Variants in RPS6KA2 observed in about 807,000 individuals in gnomAD.
The protein encoded by RPS6KA2 is ribosomal protein S6 kinase A2, also known as ribosomal protein S6 kinase alpha-2.
Under a neutral mutation model 91.8 loss-of-function variants are expected in RPS6KA2, and 42 were observed. The ratio of observed to expected loss-of-function variants is 0.46; its 90% confidence interval spans 0.36 to 0.59. RPS6KA2 has a LOEUF of 0.59. Ranked by LOEUF, RPS6KA2 falls within the 20% of genes least tolerant of loss-of-function variation. The probability of loss-of-function intolerance (pLI) is 0.00; values close to 1 mark genes in which losing one functional copy is unlikely to be tolerated. For missense variants in RPS6KA2, 798 were observed against 978.5 expected (o/e 0.82, Z 2.46); for synonymous variants, 414 against 393.6 (o/e 1.05, Z -0.61).
chr6:166,852,491 G>A lies in RPS6KA2; in HGVS notation c.123+5709C>T, dbSNP rs537958238. Among the ~76,000 whole-genome samples, 55 of 152,298 alleles carry A rather than the reference G, an allele frequency of 3.6e-4. No individual in the cohort carries two copies. Among genetic ancestry groups the A allele is most frequent in the African/African-American group, 1.1e-3 (47 of 41,554 alleles). Reference sequence around the variant, plus strand: ...GGATTGCAGAGACATGAGAGGCAACGTGGCCGCACAGGCGGTTTAGCCTGT... The same window carrying A: ...GGATTGCAGAGACATGAGAGGCAACATGGCCGCACAGGCGGTTTAGCCTGT... On this transcript the variant is annotated intron_variant, in intron 2 of 21. Coordinates refer to the RPS6KA2 transcript ENST00000503859. The surrounding 1 kb of genome is among the most constrained non-coding windows in gnomAD (Gnocchi z 4.1).
intron 2 of RPS6KA2, among the ~76,000 whole-genome samples, chr6:166,744,456 G>A (rs930807870): frequency 3.9e-5 from 6 of 152,214 alleles, no homozygotes; most frequent in African/African-American, 1.2e-4. Context: ...TGGGTCCCGG[G>A]GGCCTGCACT....
intron 15 of RPS6KA2, among the ~76,000 whole-genome samples, chr6:166,431,932 C>T (rs532785263): frequency 1.3e-5 from 2 of 152,208 alleles, no homozygotes; most frequent in Admixed American, 6.5e-5. Flanking sequence ...CCGGCCTGTT[C>T]GGGCTATTCT....
intron 2 of RPS6KA2, among the ~76,000 whole-genome samples, chr6:166,644,016 C>T (rs1787528913): frequency 6.6e-6 from 1 of 152,236 alleles, no homozygotes; most frequent in African/African-American, 2.4e-5. Context: ...AAAGCAGTCA[C>T]TGAACTGGCA....
rs1024109095 is a variant in RPS6KA2, at chr6:166,783,846, A to G, written c.123+74354T>C. On this transcript the variant is annotated intron_variant, in intron 2 of 21. Coordinates refer to the RPS6KA2 transcript ENST00000503859. ...CATATGCACACGTGCACACCTATCT[A>G]TACCACATATGCACACGTGCACACC... Among the ~76,000 whole-genome samples the G allele has an allele frequency of 1.7e-4, 10 of 58,360 alleles. 1 individual carries two copies. In the South Asian group the frequency reaches 3.1e-3, roughly 18 times the overall value. 38.3% of individuals were successfully genotyped at this position (58,360 alleles called of 152,430 possible). A position where few individuals can be genotyped will look rare whatever the true frequency, so the allele number is the denominator to read the frequency against.
chr6:166,828,288 T>C (rs138039780), intron 2 of RPS6KA2, among the ~76,000 whole-genome samples: 24 of 152,246 alleles, frequency 1.6e-4, no homozygotes, highest in Middle Eastern at 3.4e-3. Flanking sequence ...CTGCAGAGCC[T>C]CTTCTGAAAG....
intron 1 of RPS6KA2, among the ~76,000 whole-genome samples, chr6:166,623,718 G>T (rs1252442021): frequency 6.6e-6 from 1 of 152,190 alleles, no homozygotes; most frequent in Non-Finnish European, 1.5e-5. Flanking sequence ...GGGGATGAGG[G>T]TCTTGCGGTC....
chr6:166,598,336 C>T (rs1277485838), intron 1 of RPS6KA2, among the ~76,000 whole-genome samples: 1 of 152,176 alleles, frequency 6.6e-6, no homozygotes, highest in Non-Finnish European at 1.5e-5. Context: ...TGGGGGCAGA[C>T]AGACCACGCT....
At chr6:166,617,558 G>A (rs1276030335) in intron 1 of RPS6KA2, among the ~76,000 whole-genome samples, 1 of 152,170 alleles carries the variant, frequency 6.6e-6, no homozygotes, top group East Asian at 1.9e-4. Flanking sequence ...TGGCTTCTGA[G>A]TAATTTGACT....
chr6:166,426,126 C>T lies in RPS6KA2; in HGVS notation c.1582-2709G>A, dbSNP rs867672229. On this transcript the variant is annotated intron_variant, in intron 16 of 20. Transcript: ENST00000265678. The stretch of plus-strand genomic sequence containing the variant: ...TCTCTCAGACCACAGTGCAATCAAA[C>T]TAGAACTCAGGATTAAGAAACTCAC... Among the ~76,000 whole-genome samples, 895 of 152,178 alleles carry T rather than the reference C, an allele frequency of 5.9e-3. 5 individuals are homozygous for T. Among genetic ancestry groups the T allele is most frequent in the African/African-American group, 0.02 (845 of 41,484 alleles).
intron 2 of RPS6KA2, among the ~76,000 whole-genome samples, chr6:166,690,676 T>C (rs1280049600): frequency 1.3e-5 from 2 of 152,168 alleles, no homozygotes; most frequent in African/African-American, 4.8e-5. Context: ...GGGGCTCAGC[T>C]CTGCAGGTCC....
rs1434821138 is a variant in RPS6KA2 at position 166,635,452 on chromosome 6, C to G, written c.124-96668G>C. ...GAGGAGCCCTTAGTCTCGCAGATGA[C>G]TGCTACATTCACAGGCTATGATGAG... On this transcript the variant is annotated intron_variant, in intron 2 of 21. Transcript: ENST00000503859. This position sits in a 1 kb window ranked among gnomAD's most constrained non-coding sequence, Gnocchi z 4.8. Among the ~76,000 whole-genome samples, 2 of 152,262 alleles carry G rather than the reference C, an allele frequency of 1.3e-5. No individual in the cohort carries two copies. Among genetic ancestry groups the G allele is most frequent in the African/African-American group, 4.8e-5 (2 of 41,468 alleles).
Position 166,422,773 on chromosome 6 carries a change from T to G in RPS6KA2, c.1743+483A>C, listed in dbSNP as rs540390365. On this transcript the variant is annotated intron_variant, in intron 17 of 20. Transcript: ENST00000265678. Reference sequence around the variant, plus strand: ...GGCAAATCACCCCGGAGCCCTGCGGTTCTCAATCTGACAGCTGCTGACTTG... The same window carrying G: ...GGCAAATCACCCCGGAGCCCTGCGGGTCTCAATCTGACAGCTGCTGACTTG... Among the ~76,000 whole-genome samples the G allele has an allele frequency of 2.2e-4, 34 of 152,130 alleles. No homozygotes were observed. The South Asian group carries it at 7.1e-3, about 32-fold the overall frequency.
At chr6:166,630,351 C>A (rs1311581256), upstream of RPS6KA2, among the ~76,000 whole-genome samples, 2 of 152,254 alleles carry the variant, frequency 1.3e-5, no homozygotes, top group Admixed American at 1.3e-4. Context: ...CCAAACAGTC[C>A]TACAGGCTGC....
chr6:166,487,463 A>C lies in RPS6KA2; in HGVS notation c.907+1370T>G, dbSNP rs181036050. Among the ~76,000 whole-genome samples, 365 of 152,282 alleles carry C rather than the reference A, an allele frequency of 2.4e-3. 4 individuals are homozygous for C. The highest frequency in any genetic ancestry group is 8.6e-3 in the Admixed American group (131 of 15,302). ...GGAATTGCTTTACTGTGTTGTGTGG[A>C]AGAATGAAAACAGGCTGAGTGGACA... On this transcript the variant is annotated intron_variant, in intron 10 of 20. Transcript: ENST00000265678.
At chr6:166,838,664 C>T (rs921082036) in intron 2 of RPS6KA2, among the ~76,000 whole-genome samples, 8 of 152,162 alleles carry the variant, frequency 5.3e-5, no homozygotes, top group African/African-American at 1.9e-4. Flanking sequence ...CAGTCCTTCC[C>T]AGTCTTTTGT....
At chr6:166,834,069 G>T (rs1037212364) in intron 2 of RPS6KA2, among the ~76,000 whole-genome samples, 1 of 152,062 alleles carries the variant, frequency 6.6e-6, no homozygotes, top group Non-Finnish European at 1.5e-5. Flanking sequence ...AAAGCATTGG[G>T]TTATATGGCA....
At chr6:166,831,551 G>A (rs890729242) in intron 2 of RPS6KA2, among the ~76,000 whole-genome samples, 5 of 151,888 alleles carry the variant, frequency 3.3e-5, no homozygotes, top group Non-Finnish European at 4.4e-5. Context: ...TCTTCCCACA[G>A]AGGAAGGCTT....
chr6:166,556,754 C>T (rs1784189068), intron 1 of RPS6KA2, among the ~76,000 whole-genome samples: 1 of 152,188 alleles, frequency 6.6e-6, no homozygotes, highest in Non-Finnish European at 1.5e-5. Flanking sequence ...GTCCAGCTGT[C>T]TGAATCGGGC....
chr6:166,467,618 T>C (rs1280721909), intron 11 of RPS6KA2, among the ~76,000 whole-genome samples: 2 of 152,100 alleles, frequency 1.3e-5, no homozygotes, highest in Non-Finnish European at 2.9e-5. Context: ...GAGCCAGTGC[T>C]TGGGGGGAAC....
Sources: allele counts gnomAD v4.1 joint callset (sites outside exome capture counted in the v4.1 genomes callset), GRCh38; gene constraint gnomAD v4.1.1; non-coding constraint Gnocchi (gnomAD v3.1); transcripts MANE v1.5; gene names NCBI Gene and HGNC (gene_info 2026-07-23, HGNC 2026-07-21).